Variants in RBFOX1 observed in about 807,000 individuals in gnomAD.
RBFOX1 encodes the protein RNA binding fox-1 homolog 1.
In RBFOX1, 8 loss-of-function variants were observed where a neutral mutation model predicts 57.7. That is an observed-to-expected ratio of 0.14 (90% CI 0.08 to 0.25). The LOEUF (loss-of-function observed/expected upper bound fraction) is 0.25. Among genes scored for constraint, RBFOX1 ranks in the 10% least tolerant of loss-of-function variants. RBFOX1 has a pLI of 1.00. For synonymous variants in RBFOX1, 326 were observed against 222.4 expected, an observed-to-expected ratio of 1.47 and a Z score of -4.15; for missense variants, 611 against 548.5, an observed-to-expected ratio of 1.11 and a Z score of -1.14.
chr16:7,101,869 T>C (rs887793865), intron 4 of RBFOX1, among the ~76,000 whole-genome samples: 12 of 152,142 alleles, frequency 7.9e-5, no homozygotes, highest in Non-Finnish European at 1.6e-4. Context: ...GTCCAGGGAT[T>C]GTACAGTTGG....
intron 1 of RBFOX1, among the ~76,000 whole-genome samples, chr16:6,277,458 C>CAAAAAAAAAAAAAAAAAAAAAAAAA (rs59733415): frequency 1.2e-5 from 1 of 80,826 alleles, no homozygotes; most frequent in African/African-American, 4.8e-5. Context: ...GTCTGTCTCC[C>CAAAAAAAAAAAAAAAAAAAAAAAAA]AAAAAAAAAA....
At chr16:7,628,735 C>G (rs1245435545) in intron 10 of RBFOX1, among the ~76,000 whole-genome samples, 3 of 152,052 alleles carry the variant, frequency 2.0e-5, no homozygotes, top group Non-Finnish European at 4.4e-5. Context: ...GCCTCAGTCT[C>G]CTGAGTAGCT....
intron 2 of RBFOX1, among the ~76,000 whole-genome samples, chr16:6,400,093 C>T (rs1170666758): frequency 6.6e-6 from 1 of 152,196 alleles, no homozygotes; most frequent in African/African-American, 2.4e-5. Context: ...TTGAACAACA[C>T]TATCTACCAA....
intron 2 of RBFOX1, among the ~76,000 whole-genome samples, chr16:5,500,434 G>A (rs147624206): frequency 0.016 from 2,403 of 152,014 alleles, 39 homozygotes; most frequent in Non-Finnish European, 0.023. Flanking sequence ...TGTTGCCCAG[G>A]CTGTCTTGAA....
Position 6,019,693 on chromosome 16 carries a change from T to C in RBFOX1, c.-426T>C, listed in dbSNP as rs1338160585. 1 of 1,339,428 alleles carries C rather than the reference T, an allele frequency of 7.5e-7. No individual in the cohort carries two copies. The highest frequency in any genetic ancestry group is 9.6e-7 in the Non-Finnish European group (1 of 1,045,458). The allele number at this position is 1,339,428 out of a possible 1,614,324, so 83.0% of individuals were successfully genotyped here. On this transcript the variant is annotated 5_prime_UTR_variant, in exon 1 of 16. Transcript: ENST00000550418. The surrounding 1 kb of genome is among the most constrained non-coding windows in gnomAD (Gnocchi z 4.2). ...CCGGAGCAGGAGAACTCCGAGCTTC[T>C]TGCCCAGGCAGAGAGAGCAGGAGCG...
intron 4 of RBFOX1, among the ~76,000 whole-genome samples, chr16:7,085,687 G>T (rs900608087): frequency 6.6e-6 from 1 of 152,188 alleles, no homozygotes; most frequent in African/African-American, 2.4e-5. Context: ...TTGAGAATTT[G>T]TGGGGATCAT....
At chr16:7,148,793 C>T (rs1431372891) in intron 4 of RBFOX1, among the ~76,000 whole-genome samples, 7 of 152,214 alleles carry the variant, frequency 4.6e-5, no homozygotes, top group African/African-American at 7.2e-5. Flanking sequence ...CTGAGTTCGG[C>T]AGCCCCAGGC....
chr16:6,668,663 T>G (rs936114082), intron 3 of RBFOX1, among the ~76,000 whole-genome samples: 10 of 152,348 alleles, frequency 6.6e-5, no homozygotes, highest in African/African-American at 2.4e-4. Flanking sequence ...GGTTATGTTT[T>G]GATGCCTTAA....
chr16:6,310,128 C>T lies in RBFOX1; in HGVS notation c.-126-6867C>T, dbSNP rs137897223. ...GTCTCGAACTTCTGACCTCGTGATC[C>T]GCCCACCTCGGCCTACGAAAGTGCT... On this transcript the variant is annotated intron_variant, in intron 1 of 15. Coordinates refer to ENST00000550418, the MANE Select transcript of RBFOX1 (RefSeq NM_018723.4). Among the ~76,000 whole-genome samples, 782 of 152,280 alleles carry T rather than the reference C, an allele frequency of 5.1e-3. 9 individuals are homozygous for T. The highest frequency in any genetic ancestry group is 0.018 in the African/African-American group (754 of 41,572).
intron 4 of RBFOX1, among the ~76,000 whole-genome samples, chr16:7,101,258 G>A (rs185407473): frequency 6.6e-6 from 1 of 152,184 alleles, no homozygotes; most frequent in Non-Finnish European, 1.5e-5. Context: ...GAGAAACCGA[G>A]TGAGTGCAGT....
intron 3 of RBFOX1, among the ~76,000 whole-genome samples, chr16:6,811,131 T>A (rs1243787261): frequency 6.6e-6 from 1 of 152,218 alleles, no homozygotes; most frequent in African/African-American, 2.4e-5. Flanking sequence ...TTTTGCTGAG[T>A]AACTTCTAAG....
At chr16:6,298,717 C>A (rs1157182654) in intron 1 of RBFOX1, among the ~76,000 whole-genome samples, 1 of 152,164 alleles carries the variant, frequency 6.6e-6, no homozygotes, top group African/African-American at 2.4e-5. Flanking sequence ...TCGAGAATGA[C>A]AAGCCATCTC....
intron 1 of RBFOX1, among the ~76,000 whole-genome samples, chr16:5,448,263 G>A (rs1252112586): frequency 6.6e-6 from 1 of 152,070 alleles, no homozygotes; most frequent in Admixed American, 6.6e-5. Context: ...CCACGTATGG[G>A]GTTGTCAAAG....
intron 2 of RBFOX1, among the ~76,000 whole-genome samples, chr16:6,491,148 G>A (rs1317326877): frequency 6.6e-6 from 1 of 151,720 alleles, no homozygotes; most frequent in Non-Finnish European, 1.5e-5. Context: ...TGTAACTTAT[G>A]TATAGACTAG....
At chr16:7,272,502 A>T (rs1209747744) in intron 4 of RBFOX1, among the ~76,000 whole-genome samples, 1 of 152,150 alleles carries the variant, frequency 6.6e-6, no homozygotes, top group Non-Finnish European at 1.5e-5. Context: ...CCTAGTTTAG[A>T]CATATATGTT....
At chr16:7,274,097 G>T (rs2095394120) in intron 4 of RBFOX1, among the ~76,000 whole-genome samples, 1 of 152,140 alleles carries the variant, frequency 6.6e-6, no homozygotes, top group Non-Finnish European at 1.5e-5. Context: ...CTGGCTTTAT[G>T]AAATCCAGGA....
chr16:7,229,178 C>T (rs1361780774), intron 4 of RBFOX1, among the ~76,000 whole-genome samples: 7 of 152,186 alleles, frequency 4.6e-5, no homozygotes, highest in Non-Finnish European at 1.0e-4. Context: ...ATATTTCTTT[C>T]ATGCTTCAGA....
chr16:5,569,464 T>G (rs1567240801), intron 2 of RBFOX1, among the ~76,000 whole-genome samples: 17 of 108,718 alleles, frequency 1.6e-4, no homozygotes, highest in African/African-American at 5.5e-4. Flanking sequence ...TTTTTTTTTT[T>G]TTTCTTCTTC....
At chr16:5,989,750 T>C (rs1413420534) in intron 4 of RBFOX1, among the ~76,000 whole-genome samples, 7 of 151,746 alleles carry the variant, frequency 4.6e-5, no homozygotes, top group African/African-American at 1.7e-4. Context: ...TAGCTTATCT[T>C]GGTCATGAGA....
Sources: gnomAD v4.1 joint callset for allele counts (sites outside exome capture counted in the v4.1 genomes callset) on GRCh38, gnomAD v4.1.1 for gene constraint, Gnocchi (gnomAD v3.1) non-coding constraint, MANE v1.5 for transcripts, NCBI Gene and HGNC (gene_info 2026-07-23, HGNC 2026-07-21) for gene names.